Variants in DCDC2C observed in about 807,000 individuals in gnomAD.
DCDC2C encodes the protein doublecortin domain containing 2C, also known as doublecortin domain-containing protein 2C.
Under a neutral mutation model 45.0 loss-of-function variants are expected in DCDC2C, and 44 were observed. The observed-to-expected ratio is 0.98, with a 90% CI of 0.77 to 1.26. The LOEUF is 1.26. DCDC2C is among the 50% of genes most tolerant of loss of function. The pLI, the probability that DCDC2C is intolerant of heterozygous loss-of-function variation, is 0.00. For missense variants in DCDC2C, 447 were observed against 468.9 expected (o/e 0.95, Z 0.43); for synonymous variants, 187 against 178.8 (o/e 1.05, Z -0.37).
chr2:3,819,087 T>C (rs1391057165), intron 10 of DCDC2C, among the ~76,000 whole-genome samples: 2 of 152,148 alleles, frequency 1.3e-5, no homozygotes, highest in African/African-American at 4.8e-5. Flanking sequence ...GGTGATGGAC[T>C]TACCCTCCAC....
chr2:3,788,860 A>G, intron 10 of DCDC2C, among the ~76,000 whole-genome samples: 1 of 38,156 alleles, frequency 2.6e-5, no homozygotes. Context: ...TCTCCCCCCA[A>G]CCCTCCCTCC....
At chr2:3,829,284 C>CTT (rs5828893) in intron 10 of DCDC2C, among the ~76,000 whole-genome samples, 86 of 129,586 alleles carry the variant, frequency 6.6e-4, no homozygotes, top group Middle Eastern at 3.9e-3. Context: ...ATGTCTTTTT[C>CTT]TTTTTTTTTT....
At chr2:3,755,460 T>G (rs1009299699) in intron 6 of DCDC2C, among the ~76,000 whole-genome samples, 2 of 35,804 alleles carry the variant, frequency 5.6e-5, no homozygotes, top group Admixed American at 3.8e-4. Context: ...AATGCATGTG[T>G]GTGTATGGAG....
intron 10 of DCDC2C, among the ~76,000 whole-genome samples, chr2:3,833,686 G>A (rs1032158550): frequency 3.3e-5 from 5 of 152,188 alleles, no homozygotes; most frequent in African/African-American, 9.7e-5. Flanking sequence ...TGAACATAAA[G>A]CTTATCCAGC....
At chr2:3,755,009 A>G (rs1013778534) in intron 6 of DCDC2C, among the ~76,000 whole-genome samples, 3 of 152,208 alleles carry the variant, frequency 2.0e-5, no homozygotes, top group Admixed American at 1.3e-4. Context: ...AGGACATTCC[A>G]GGCAGATGTG....
intron 10 of DCDC2C, among the ~76,000 whole-genome samples, chr2:3,801,393 C>A (rs1671108756): frequency 6.6e-6 from 1 of 152,184 alleles, no homozygotes; most frequent in Non-Finnish European, 1.5e-5. Context: ...TAAGATGAAT[C>A]CATGGTGAGT....
chr2:3,830,120 G>A (rs758427343), intron 10 of DCDC2C, among the ~76,000 whole-genome samples: 26 of 152,208 alleles, frequency 1.7e-4, no homozygotes, highest in Non-Finnish European at 3.4e-4. Context: ...CAAGGATAAG[G>A]AGAGCTGACA....
chr2:3,712,506 AT>A (rs913389160), intron 2 of DCDC2C, among the ~76,000 whole-genome samples: 2 of 145,300 alleles, frequency 1.4e-5, no homozygotes, highest in African/African-American at 5.0e-5. Flanking sequence ...AAAAAAAAAA[AT>A]TATCCAGGCA....
chr2:3,712,865 G>A (rs1668251569), intron 2 of DCDC2C, among the ~76,000 whole-genome samples: 1 of 152,100 alleles, frequency 6.6e-6, no homozygotes, highest in Non-Finnish European at 1.5e-5. Flanking sequence ...CGTGTTCAAT[G>A]TCCAGAAGTT....
chr2:3,803,536 A>C (rs865958862), intron 10 of DCDC2C, among the ~76,000 whole-genome samples: 1 of 151,912 alleles, frequency 6.6e-6, no homozygotes, highest in African/African-American at 2.4e-5. Context: ...TTTCAGTGAA[A>C]CCTCTGCTAA....
chr2:3,844,656 A>G (rs1672284651), intron 10 of DCDC2C: 1 of 152,254 alleles, frequency 6.6e-6, no homozygotes, highest in Non-Finnish European at 1.5e-5. Context: ...TGCTGGTGGA[A>G]TATTAAAATC....
chr2:3,788,511 A>G (rs941248169), intron 10 of DCDC2C: 15 of 152,204 alleles, frequency 9.9e-5, no homozygotes, highest in Non-Finnish European at 1.3e-4. Flanking sequence ...TAATTGTGAC[A>G]TTTTTTCCCC....
intron 10 of DCDC2C, among the ~76,000 whole-genome samples, chr2:3,829,679 A>C (rs563937200): frequency 6.6e-6 from 1 of 152,186 alleles, no homozygotes; most frequent in Non-Finnish European, 1.5e-5. Context: ...GTAAAGCTAC[A>C]GAGATTTACT....
At chr2:3,762,826 G>A (rs542891080) in intron 6 of DCDC2C, among the ~76,000 whole-genome samples, 2 of 152,300 alleles carry the variant, frequency 1.3e-5, no homozygotes, top group Admixed American at 1.3e-4. Flanking sequence ...TGGAGGATGT[G>A]TAGGAGAGTT....
chr2:3,782,413 G>A (rs571929426), intron 9 of DCDC2C, among the ~76,000 whole-genome samples: 170 of 151,636 alleles, frequency 1.1e-3, no homozygotes, highest in Middle Eastern at 0.01. Flanking sequence ...ATTGGGCACT[G>A]TAATAACATT....
At chr2:3,846,186 T>C (rs1159006377) in intron 10 of DCDC2C, among the ~76,000 whole-genome samples, 2 of 151,932 alleles carry the variant, frequency 1.3e-5, no homozygotes, top group African/African-American at 2.4e-5. Context: ...TTCTTCCTTC[T>C]TCTTTCTTCC....
chr2:3,724,725 C>A (rs987104580), intron 2 of DCDC2C, among the ~76,000 whole-genome samples: 1 of 152,152 alleles, frequency 6.6e-6, no homozygotes, highest in Non-Finnish European at 1.5e-5. Flanking sequence ...CAGGAGGACC[C>A]TCCCTGCTGG....
chr2:3,797,405 C>T (rs1399968800), intron 10 of DCDC2C, among the ~76,000 whole-genome samples: 1 of 151,612 alleles, frequency 6.6e-6, no homozygotes, highest in Non-Finnish European at 1.5e-5. Flanking sequence ...TTCTTGCCTT[C>T]TTCTAGCTTT....
At chr2:3,779,014 C>A in intron 9 of DCDC2C, 130 bp downstream of exon 9, 2 of 848,418 alleles carry the variant, frequency 2.4e-6, no homozygotes, top group Non-Finnish European at 3.7e-6. Context: ...AGCGCGGAAT[C>A]GGAAGCGAGT....
Sources: gnomAD v4.1 joint callset for allele counts (sites outside exome capture counted in the v4.1 genomes callset) on GRCh38, gnomAD v4.1.1 for gene constraint, MANE v1.5 for transcripts, NCBI Gene and HGNC (gene_info 2026-07-23, HGNC 2026-07-21) for gene names.